The following BANK1 variants were observed in gnomAD, a reference collection of about 807,000 sequenced individuals.
BANK1 encodes the protein B-cell scaffold protein with ankyrin repeats.
In BANK1, 95 loss-of-function variants were observed where a neutral mutation model predicts 94.5. That is an observed-to-expected ratio of 1.00 (90% CI 0.85 to 1.19). The LOEUF (loss-of-function observed/expected upper bound fraction) is 1.19. Ranked by LOEUF, BANK1 falls within the 50% of genes most tolerant of loss-of-function variation. The pLI, the probability that BANK1 is intolerant of heterozygous loss-of-function variation, is 0.00. For missense variants in BANK1, 987 were observed against 932.2 expected (o/e 1.06, Z -0.77); for synonymous variants, 334 against 308.4 (o/e 1.08, Z -0.87).
chr4:101,816,216 A>G (rs1017027897), intron 1 of BANK1, among the ~76,000 whole-genome samples: 2 of 152,220 alleles, frequency 1.3e-5, no homozygotes, highest in African/African-American at 4.8e-5. Context: ...AAAACTGAGA[A>G]ACATGAGTTC....
chr4:101,971,494 C>T (rs1284104134), intron 7 of BANK1, among the ~76,000 whole-genome samples: 1 of 152,010 alleles, frequency 6.6e-6, no homozygotes, highest in African/African-American at 2.4e-5. Flanking sequence ...TGTGCAGAAC[C>T]TGTTTAGTTT....
At chr4:101,952,252 A>G (rs1048613346) in intron 7 of BANK1, among the ~76,000 whole-genome samples, 1 of 152,126 alleles carries the variant, frequency 6.6e-6, no homozygotes, top group Non-Finnish European at 1.5e-5. Context: ...AGAAAAAAAT[A>G]AAAATGGCTT....
intron 11 of BANK1, among the ~76,000 whole-genome samples, chr4:102,052,486 A>C (rs1051034601): frequency 6.6e-6 from 1 of 151,098 alleles, no homozygotes; most frequent in East Asian, 1.9e-4. Context: ...GAAGGGAAGG[A>C]GAGTTTTTTT....
At chr4:102,038,099 G>T (rs1159311142) in intron 10 of BANK1, among the ~76,000 whole-genome samples, 1 of 152,086 alleles carries the variant, frequency 6.6e-6, no homozygotes, top group African/African-American at 2.4e-5. Flanking sequence ...TTTGAATCTT[G>T]TTAGCAGAAT....
At chr4:101,792,463 GTGTGTGT>G (rs1464790127) in intron 1 of BANK1, among the ~76,000 whole-genome samples, 58 of 94,966 alleles carry the variant, frequency 6.1e-4, no homozygotes, top group South Asian at 3.4e-3. Context: ...GTGTGTGTGT[GTGTGTGT>G]TTTTTTTTTT....
At chr4:101,986,895 G>GTATATATATATA (rs1253442320) in intron 7 of BANK1, among the ~76,000 whole-genome samples, 12 of 64,680 alleles carry the variant, frequency 1.9e-4, no homozygotes, top group Admixed American at 8.2e-4. Flanking sequence ...GTGTGTGTGT[G>GTATATATATATA]TGTGTATATA....
Position 101,870,484 on chromosome 4 carries a change from C to A in BANK1, c.764-21C>A, listed in dbSNP as rs113019518. On this transcript the variant is annotated intron_variant, in intron 4 of 16. Coordinates refer to ENST00000322953, the MANE Select transcript of BANK1 (RefSeq NM_017935.5). Reference sequence around the variant, plus strand: ...TATGCATTATATACTCTGCCCCTAACCCTTGTTTGTTTTTCATAAGAGTTT... The same window carrying A: ...TATGCATTATATACTCTGCCCCTAAACCTTGTTTGTTTTTCATAAGAGTTT... 1.3e-5 allele frequency: 21 copies of A among 1,605,334 alleles called. No individual in the cohort carries two copies. The African/African-American group carries it at 1.3e-4, about 10-fold the overall frequency.
intron 3 of BANK1, among the ~76,000 whole-genome samples, chr4:101,861,999 G>T (rs986674115): frequency 1.3e-5 from 2 of 151,942 alleles, no homozygotes; most frequent in African/African-American, 4.8e-5. Context: ...ATAAAGAGTG[G>T]CCACTGAACT....
intron 7 of BANK1, among the ~76,000 whole-genome samples, chr4:101,988,450 G>A (rs547484507): frequency 6.6e-6 from 1 of 152,240 alleles, no homozygotes; most frequent in African/African-American, 2.4e-5. Context: ...GTTGCTTTGA[G>A]TTGTTGTGAA....
At chr4:101,915,021 A>G (rs1377833126) in intron 6 of BANK1, among the ~76,000 whole-genome samples, 11 of 152,160 alleles carry the variant, frequency 7.2e-5, no homozygotes, top group Non-Finnish European at 1.5e-4. Flanking sequence ...CAAATTTTTC[A>G]TTGCTATACA....
intron 13 of BANK1, 31 bp downstream of exon 13, chr4:102,063,169 A>C (rs1463494206): frequency 1.3e-6 from 2 of 1,575,896 alleles, no homozygotes; most frequent in Admixed American, 3.4e-5. Context: ...ATTCAAAAAT[A>C]ATAGAGTGAT....
chr4:101,846,203 A>G (rs1437479227), intron 2 of BANK1, among the ~76,000 whole-genome samples: 1 of 152,228 alleles, frequency 6.6e-6, no homozygotes, highest in Non-Finnish European at 1.5e-5. Flanking sequence ...AGACTGGATT[A>G]AGAAAATGTG....
rs988843508 is a variant in BANK1 at position 101,974,395 on chromosome 4, G to A, written c.1207-47119G>A. On this transcript the variant is annotated intron_variant, in intron 7 of 16. Transcript: ENST00000322953. ...TGCCACATTGGATAAAAAGCAGAGAGAGGAGTTGTAATGTTCATAATACCT... is the reference window on the plus strand; with the variant it reads ...TGCCACATTGGATAAAAAGCAGAGAAAGGAGTTGTAATGTTCATAATACCT... Among the ~76,000 whole-genome samples the A allele has an allele frequency of 1.1e-4, 16 of 152,278 alleles. 1 individual carries two copies. In the South Asian group the frequency reaches 3.1e-3, roughly 30 times the overall value.
At chr4:101,950,736 G>A (rs529352746) in intron 7 of BANK1, among the ~76,000 whole-genome samples, 1 of 152,266 alleles carries the variant, frequency 6.6e-6, no homozygotes, top group East Asian at 1.9e-4. Context: ...TGGAAAACCT[G>A]ACAAACACTA....
intron 7 of BANK1, among the ~76,000 whole-genome samples, chr4:101,922,050 G>GTA (rs1215802981): frequency 6.6e-6 from 1 of 151,138 alleles, no homozygotes; most frequent in Admixed American, 6.6e-5. Flanking sequence ...GTGTGTGTGT[G>GTA]TGTGTGAGAC....
At chr4:101,819,319 G>A (rs1242925559) in intron 1 of BANK1, among the ~76,000 whole-genome samples, 1 of 152,130 alleles carries the variant, frequency 6.6e-6, no homozygotes, top group African/African-American at 2.4e-5. Flanking sequence ...ATGCTTAGCA[G>A]CATAGAAAAC....
chr4:101,989,224 G>A (rs957317634), intron 7 of BANK1, among the ~76,000 whole-genome samples: 1 of 151,750 alleles, frequency 6.6e-6, no homozygotes, highest in African/African-American at 2.4e-5. Flanking sequence ...GCGGGCGGAT[G>A]ACAAGGTCAG....
intron 11 of BANK1, among the ~76,000 whole-genome samples, chr4:102,057,490 C>T (rs1244540040): frequency 1.3e-5 from 2 of 152,068 alleles, no homozygotes; most frequent in African/African-American, 4.8e-5. Context: ...TCCCGAGTAG[C>T]TGGGACTACA....
intron 5 of BANK1, among the ~76,000 whole-genome samples, chr4:101,887,001 C>T (rs1311183755): frequency 1.3e-5 from 2 of 152,106 alleles, no homozygotes; most frequent in Non-Finnish European, 2.9e-5. Flanking sequence ...TAGGTGTAGC[C>T]ATATGACTAA....
Sources: gnomAD v4.1 joint callset for allele counts (sites outside exome capture counted in the v4.1 genomes callset) on GRCh38, gnomAD v4.1.1 for gene constraint, MANE v1.5 for transcripts, NCBI Gene and HGNC (gene_info 2026-07-23, HGNC 2026-07-21) for gene names.